Variants in ABCA10 observed in about 807,000 individuals in gnomAD.
The protein encoded by ABCA10 is ATP-binding cassette sub-family A member 10.
In ABCA10, 169 loss-of-function variants were observed where a neutral mutation model predicts 187.5. The ratio of observed to expected loss-of-function variants is 0.90; its 90% CI spans 0.80 to 1.02. The LOEUF is 1.02. ABCA10 is among the 50% of genes least tolerant of loss of function. The probability of loss-of-function intolerance (pLI) is 0.00; values close to 1 mark genes in which losing one functional copy is unlikely to be tolerated. For synonymous variants in ABCA10, 574 were observed against 601.8 expected (o/e 0.95, Z 0.68); for missense variants, 1,727 against 1,812.4 (o/e 0.95, Z 0.86).
chr17:69,150,045 C>G lies in ABCA10; in HGVS notation c.4416G>C (p.Ala1472=). The part of the protein sequence containing the change: ...AWQERYSSLM[A]YKLPVEDVHP... The stretch of plus-strand genomic sequence containing the variant: ...GGACATCCTCCACAGGTAACTTATA[C>G]GCCATTAAAGAGGAATATCTGTCAG... Residue 1472 remains alanine (A), a synonymous_variant, in exon 37 of 39, where the codon GCG becomes GCC. Coordinates refer to ENST00000690296, the MANE Select transcript of ABCA10 (RefSeq NM_001377321.1). 6.2e-7 allele frequency: 1 copy of G among 1,612,506 alleles called. No individual in the cohort carries two copies. The highest frequency in any genetic ancestry group is 1.3e-5 in the African/African-American group (1 of 74,976).
chr17:69,241,846 G>C (rs897894744), intron 1 of ABCA10, among the ~76,000 whole-genome samples: 1 of 152,176 alleles, frequency 6.6e-6, no homozygotes, highest in Admixed American at 6.5e-5. Context: ...AAAAGTGCTT[G>C]ATTCTTAACT....
Position 69,164,981 on chromosome 17 carries a change from C to T in ABCA10, c.3265G>A (p.Val1089Ile). ...FIPSFTLLGY[V>I]MLLIQLDFMR... is the part of the protein sequence containing the mutation. Reference sequence around the variant, plus strand: ...CTGCTTACCTGGATCAATAACATGACATACCCCAGCAAAGTGAAGGAAGGT... The same window carrying T: ...CTGCTTACCTGGATCAATAACATGATATACCCCAGCAAAGTGAAGGAAGGT... The change falls in exon 26 of 39, where the codon GTC (valine) becomes ATC (isoleucine). Residue 1089 changes from valine (V) to isoleucine (I), a missense_variant. Coordinates refer to ENST00000690296, the MANE Select transcript of ABCA10 (RefSeq NM_001377321.1). 6.2e-7 allele frequency: 1 copy of T among 1,613,122 alleles called. No individual in the cohort carries two copies. Among genetic ancestry groups the T allele is most frequent in the Non-Finnish European group, 8.5e-7 (1 of 1,179,386 alleles).
intron 25 of ABCA10, among the ~76,000 whole-genome samples, chr17:69,166,939 T>G (rs1598092184): frequency 1.3e-5 from 2 of 152,286 alleles, no homozygotes; most frequent in East Asian, 1.9e-4. Context: ...GCAAATGCAG[T>G]TGGGTTGATG....
At chr17:69,158,147 G>C (rs1195720669) in intron 27 of ABCA10, among the ~76,000 whole-genome samples, 3 of 151,946 alleles carry the variant, frequency 2.0e-5, no homozygotes, top group African/African-American at 7.2e-5. Flanking sequence ...TGATGATAAT[G>C]GTTAAGCACT....
intron 25 of ABCA10, among the ~76,000 whole-genome samples, chr17:69,169,967 A>T (rs1356958088): frequency 6.6e-6 from 1 of 152,142 alleles, no homozygotes; most frequent in Non-Finnish European, 1.5e-5. Flanking sequence ...ATATAGCAAT[A>T]TATCTTCAGT....
At chr17:69,234,084 T>C (rs990649868) in intron 1 of ABCA10, 2 of 152,714 alleles carry the variant, frequency 1.3e-5, no homozygotes, top group African/African-American at 4.8e-5. Context: ...GCCTATCTTA[T>C]TGGCTCAGAT....
chr17:69,219,381 C>G (rs1568073442), intron 6 of ABCA10, among the ~76,000 whole-genome samples, 164 bp downstream of exon 6: 1 of 152,134 alleles, frequency 6.6e-6, no homozygotes, highest in African/African-American at 2.4e-5. Flanking sequence ...TAAGCACAAT[C>G]CTTACTTACT....
intron 9 of ABCA10, 21 bp downstream of exon 9, chr17:69,214,681 CTT>C: frequency 7.0e-7 from 1 of 1,438,286 alleles, no homozygotes; most frequent in Non-Finnish European, 9.2e-7. Flanking sequence ...TTAAATTTAA[CTT>C]TAACCACACT....
chr17:69,176,980 C>T (rs1292427780), intron 22 of ABCA10, among the ~76,000 whole-genome samples: 4 of 152,060 alleles, frequency 2.6e-5, no homozygotes, highest in African/African-American at 9.7e-5. Flanking sequence ...CTTAATTTTG[C>T]TACCCTAAAT....
At chr17:69,209,116 C>G (rs887065491) in intron 9 of ABCA10, among the ~76,000 whole-genome samples, 30 of 152,146 alleles carry the variant, frequency 2.0e-4, no homozygotes, top group African/African-American at 7.2e-4. Flanking sequence ...AGAATGAGTG[C>G]ATACAGAAGT....
intron 30 of ABCA10, among the ~76,000 whole-genome samples, chr17:69,154,693 T>G (rs1444612430): frequency 6.6e-6 from 1 of 152,150 alleles, no homozygotes; most frequent in African/African-American, 2.4e-5. Context: ...AGTATTAGGA[T>G]TAGAGGCACG....
chr17:69,204,799 T>C (rs1022954467), intron 9 of ABCA10, among the ~76,000 whole-genome samples: 3 of 152,232 alleles, frequency 2.0e-5, no homozygotes, highest in Non-Finnish European at 2.9e-5. Context: ...TTACATATAA[T>C]CTGGTCTAAA....
At position 69,148,218 on chromosome 17, in the gene ABCA10, A is replaced by AT. The variant is rs1455620675; in HGVS notation, c.*608dup. 5 of 152,300 alleles carry AT rather than the reference A, an allele frequency of 3.3e-5. No individual in the cohort carries two copies. Among genetic ancestry groups the AT allele is most frequent in the Non-Finnish European group, 7.3e-5 (5 of 68,096 alleles). 9.4% of individuals were successfully genotyped at this position (152,300 alleles called of 1,614,324 possible). A position where few individuals can be genotyped will look rare whatever the true frequency, so the allele number is the denominator to read the frequency against. On this transcript the variant is annotated 3_prime_UTR_variant, in exon 39 of 39. Coordinates refer to ENST00000690296, the MANE Select transcript of ABCA10 (RefSeq NM_001377321.1). ...TGATACTACCTTTGAAAAAGGATCC[A>AT]TAAAAAATACATTGAATATAAGTTG...
chr17:69,234,813 T>C (rs1401088389), intron 1 of ABCA10: 1 of 152,248 alleles, frequency 6.6e-6, no homozygotes. Context: ...AAACCTTCAA[T>C]TAATCTTAAT....
chr17:69,228,028 T>C (rs936538864), intron 1 of ABCA10, among the ~76,000 whole-genome samples: 1 of 151,994 alleles, frequency 6.6e-6, no homozygotes, highest in Non-Finnish European at 1.5e-5. Context: ...GTTGATATTA[T>C]ATACAAATTA....
chr17:69,216,370 A>G lies in ABCA10; in HGVS notation c.531-12T>C, dbSNP rs759686220. On this transcript the variant is annotated splice_polypyrimidine_tract_variant and intron_variant, in intron 6 of 38. Transcript: ENST00000690296. ...ATCCCCAGGAGAGCCTATAGTAGAA[A>G]CAAGGTGTTAGTTCAACTGTCACAA... 4.5e-5 allele frequency: 72 copies of G among 1,603,734 alleles called. No individual in the cohort carries two copies. In the Admixed American group the frequency reaches 1.2e-3, roughly 27 times the overall value.
chr17:69,243,855 GC>G (rs1457705195), intron 1 of ABCA10, among the ~76,000 whole-genome samples: 4 of 152,204 alleles, frequency 2.6e-5, no homozygotes, highest in African/African-American at 9.7e-5. Flanking sequence ...CCGGGATTGT[GC>G]CACTGTACTC....
intron 20 of ABCA10, 53 bp downstream of exon 20, chr17:69,185,424 C>G: frequency 6.5e-7 from 1 of 1,542,878 alleles, no homozygotes; most frequent in Non-Finnish European, 8.8e-7. Flanking sequence ...TATGTGCTTT[C>G]TAAAGATCTT....
At chr17:69,186,477 C>T (rs1000967646) in intron 19 of ABCA10, among the ~76,000 whole-genome samples, 2 of 152,146 alleles carry the variant, frequency 1.3e-5, no homozygotes, top group Non-Finnish European at 2.9e-5. Flanking sequence ...CTCCGTCTAT[C>T]TCTCATTCAT....
Sources: gnomAD v4.1 joint callset for allele counts (sites outside exome capture counted in the v4.1 genomes callset) on GRCh38, gnomAD v4.1.1 for gene constraint, MANE v1.5 for transcripts, NCBI Gene and HGNC (gene_info 2026-07-23, HGNC 2026-07-21) for gene names.